Variants in MMP24 observed in about 807,000 individuals in gnomAD.
MMP24 encodes matrix metalloproteinase-24.
A neutral mutation model predicts 62.8 loss-of-function variants in MMP24; 25 were observed. The ratio of observed to expected loss-of-function variants is 0.40; its 90% confidence interval spans 0.29 to 0.56. MMP24 has a LOEUF of 0.56. Among genes scored for constraint, MMP24 ranks in the 20% least tolerant of loss-of-function variants. MMP24 has a pLI of 0.50. For synonymous variants in MMP24, 319 were observed against 350.5 expected (o/e 0.91, Z 1.00); for missense variants, 634 against 853.6 (o/e 0.74, Z 3.21).
rs755365652 is a variant in MMP24, at chr20:35,269,715, G to A, written c.1195-45G>A. 2 of 1,552,866 alleles carry A rather than the reference G, an allele frequency of 1.3e-6. No homozygotes were observed. Among genetic ancestry groups the A allele is most frequent in the Non-Finnish European group, 8.7e-7 (1 of 1,148,360 alleles). On this transcript the variant is annotated intron_variant, in intron 6 of 8. Transcript: ENST00000246186. This position sits in a 1 kb window ranked among gnomAD's most constrained non-coding sequence, Gnocchi z 4.6. ...ACAGCTGCAATCACTGGGTTCGGAG[G>A]CAGGGCCTGACACACCTCTCTCCCC...
chr20:35,248,303 C>T (rs1409289917), intron 2 of MMP24, among the ~76,000 whole-genome samples: 1 of 146,730 alleles, frequency 6.8e-6, no homozygotes, highest in Non-Finnish European at 1.5e-5. Context: ...AGATTCCCCC[C>T]CCCTTTTTTT....
At chr20:35,254,794 C>T (rs1159340325) in intron 4 of MMP24, 40 bp downstream of exon 4, 21 of 1,554,332 alleles carry the variant, frequency 1.4e-5, no homozygotes, top group Non-Finnish European at 1.7e-5. Flanking sequence ...TTGGGCTGCT[C>T]AGTTGTTGGG....
At chr20:35,253,352 G>A (rs2060558376) in intron 3 of MMP24, among the ~76,000 whole-genome samples, 1 of 142,354 alleles carries the variant, frequency 7.0e-6, no homozygotes, top group African/African-American at 2.7e-5. Context: ...CTGCTGATAA[G>A]CTGTCCCTTC....
intron 1 of MMP24, among the ~76,000 whole-genome samples, chr20:35,228,228 A>T (rs1478068970): frequency 6.6e-6 from 1 of 152,194 alleles, no homozygotes; most frequent in South Asian, 2.1e-4. Flanking sequence ...GTGTATTTCT[A>T]GGCGAGGACC....
rs578209273 is a variant in MMP24 at position 35,267,707 on chromosome 20, C to T, written c.1194+288C>T. ...GGTCTGTGACCACCCTTCTTGGGAC[C>T]TCAGTTTCTCCATCCGAAACCTGGG... On this transcript the variant is annotated intron_variant, in intron 6 of 8. Coordinates refer to ENST00000246186, the MANE Select transcript of MMP24 (RefSeq NM_006690.4). Among the ~76,000 whole-genome samples the T allele has an allele frequency of 4.6e-5, 7 of 152,308 alleles. No homozygotes were observed. In the South Asian group the frequency reaches 1.5e-3, roughly 32 times the overall value.
At chr20:35,273,409 AAG>A (rs1427952017) in intron 8 of MMP24, among the ~76,000 whole-genome samples, 1 of 151,832 alleles carries the variant, frequency 6.6e-6, no homozygotes, top group Non-Finnish European at 1.5e-5. Flanking sequence ...AAAAAAAAAA[AAG>A]GAAATAAATG....
intron 4 of MMP24, among the ~76,000 whole-genome samples, chr20:35,262,173 G>C (rs1266721658): frequency 6.6e-6 from 1 of 152,108 alleles, no homozygotes; most frequent in Non-Finnish European, 1.5e-5. Flanking sequence ...TCGTAAGGTG[G>C]AATGAGAGAC....
intron 1 of MMP24, among the ~76,000 whole-genome samples, chr20:35,245,669 G>A (rs1376170756): frequency 6.6e-6 from 1 of 151,616 alleles, no homozygotes; most frequent in Non-Finnish European, 1.5e-5. Flanking sequence ...AGCTGGTCTC[G>A]AACTCCTGAC....
intron 1 of MMP24, among the ~76,000 whole-genome samples, chr20:35,245,120 G>A (rs1351985939): frequency 6.6e-6 from 1 of 152,076 alleles, no homozygotes; most frequent in Non-Finnish European, 1.5e-5. Flanking sequence ...TCTTACTCCC[G>A]GGCTCAAGCG....
intron 3 of MMP24, among the ~76,000 whole-genome samples, chr20:35,253,269 A>ATTTTTTTTTTTTTT (rs2060557038): frequency 1.1e-4 from 7 of 62,526 alleles, no homozygotes; most frequent in Admixed American, 1.7e-4. Context: ...ACAGAACGGG[A>ATTTTTTTTTTTTTT]CTTTTTTTTT....
intron 4 of MMP24, chr20:35,256,225 C>T (rs534367553): frequency 6.6e-6 from 1 of 152,304 alleles, no homozygotes; most frequent in South Asian, 2.1e-4. Flanking sequence ...ATATTGCTAT[C>T]TTCATTTTAC....
At chr20:35,236,802 T>A (rs1016820277) in intron 1 of MMP24, among the ~76,000 whole-genome samples, 1 of 151,942 alleles carries the variant, frequency 6.6e-6, no homozygotes, top group African/African-American at 2.4e-5. Context: ...GGTGAAACCC[T>A]GTCTCTACTA....
chr20:35,263,926 A>G lies in MMP24; in HGVS notation c.953A>G (p.Asp318Gly). Residue 318 changes from aspartate to glycine, a missense_variant, in exon 5 of 9, where the codon GAT becomes GGT. By Grantham distance (94) the Asp-to-Gly change is moderately conservative (BLOSUM62 -1). Coordinates refer to ENST00000246186, the MANE Select transcript of MMP24 (RefSeq NM_006690.4). ...ETHNFKLPQD[D>G]LQGIQKIYGP... ...CACAACTTCAAGCTGCCCCAGGACG[A>G]TCTCCAGGGCATCCAGAAGATCTAT... 6.2e-7 allele frequency: 1 copy of G among 1,610,866 alleles called. No homozygotes were observed. The highest frequency in any genetic ancestry group is 8.5e-7 in the Non-Finnish European group (1 of 1,178,458).
At chr20:35,262,465 G>A (rs1274121256) in intron 4 of MMP24, among the ~76,000 whole-genome samples, 1 of 151,424 alleles carries the variant, frequency 6.6e-6, no homozygotes, top group African/African-American at 2.5e-5. Flanking sequence ...ACATCTCAAT[G>A]CTTTACAAAA....
chr20:35,250,696 T>TC (rs201182145), intron 2 of MMP24, among the ~76,000 whole-genome samples: 1,905 of 152,166 alleles, frequency 0.013, 27 homozygotes, highest in African/African-American at 0.044. Context: ...AAACTTTCAA[T>TC]CGTAGTAGAA....
intron 1 of MMP24, chr20:35,236,204 A>C (rs567289951): frequency 1.1e-4 from 15 of 138,868 alleles, no homozygotes; most frequent in Admixed American, 3.4e-4. Context: ...GTAAGTGAAG[A>C]AAAAAAACAG....
In MMP24 at chr20:35,226,923, G is replaced by T; in HGVS notation, c.185G>T (p.Arg62Leu). The change falls in exon 1 of 9, where the codon CGG becomes CTG. Residue 62 changes from arginine (R) to leucine (L), a missense_variant. Arg to Leu is a moderately radical substitution (Grantham distance 102). This residue lies in a region of MMP24 where 212 missense variants were observed against 259.6 expected (regional missense o/e 0.82). Transcript: ENST00000246186. The part of the protein sequence containing the change: ...AAAAAAGAGN[R>L]AAVAVAVARA... ...GCGGCGGCGGCGGGGGCAGGGAACC[G>T]GGCAGCGGTGGCGGTGGCGGTGGCG... 1 of 979,046 alleles carries T rather than the reference G, an allele frequency of 1.0e-6. No homozygotes were observed. The allele number at this position is 979,046 out of a possible 1,614,324, so 60.6% of individuals were successfully genotyped here.
chr20:35,267,422 AG>A lies in MMP24; in HGVS notation c.1194+6del. 1 of 1,553,176 alleles carries A rather than the reference AG, an allele frequency of 6.4e-7. No individual in the cohort carries two copies. Among genetic ancestry groups the A allele is most frequent in the South Asian group, 1.2e-5 (1 of 84,174 alleles). The stretch of plus-strand genomic sequence containing the variant: ...GGGGCGAGATGTTTGTCTTTAAGGT[AG>A]GGCCAATGGATTGGCACCACCCAGC... On this transcript the variant is annotated splice_donor_region_variant and intron_variant, in intron 6 of 8. Transcript: ENST00000246186.
At chr20:35,241,623 G>A (rs966939123) in intron 1 of MMP24, among the ~76,000 whole-genome samples, 1 of 152,180 alleles carries the variant, frequency 6.6e-6, no homozygotes, top group Non-Finnish European at 1.5e-5. Context: ...TGTGATGTTC[G>A]TAATGGATTT....
Sources: gnomAD v4.1 joint callset for allele counts (sites outside exome capture counted in the v4.1 genomes callset) on GRCh38, gnomAD v4.1.1 for gene constraint, gnomAD v4.1.1 regional missense constraint, Gnocchi (gnomAD v3.1) non-coding constraint, MANE v1.5 for transcripts, NCBI Gene and HGNC (gene_info 2026-07-23, HGNC 2026-07-21) for gene names.